The following TCF7L1 variants were observed in gnomAD, a reference collection of about 807,000 sequenced individuals.
The protein encoded by TCF7L1 is transcription factor 7-like 1.
Under a neutral mutation model 63.7 loss-of-function variants are expected in TCF7L1, and 18 were observed. That is an observed-to-expected ratio of 0.28 (90% CI 0.20 to 0.42). TCF7L1 has a LOEUF of 0.42. TCF7L1 is among the 10% of genes least tolerant of loss of function. The pLI is 1.00. For synonymous variants in TCF7L1, 355 were observed against 340.9 expected (o/e 1.04, Z -0.46); for missense variants, 654 against 779.3 (o/e 0.84, Z 1.91).
intron 4 of TCF7L1, among the ~76,000 whole-genome samples, chr2:85,291,425 C>T (rs1409542379): frequency 6.6e-6 from 1 of 152,328 alleles, no homozygotes; most frequent in East Asian, 1.9e-4. Flanking sequence ...TTTCTTCCCA[C>T]TTTGTAACAA....
intron 4 of TCF7L1, among the ~76,000 whole-genome samples, chr2:85,292,003 T>A (rs1373775518): frequency 0.02 from 120 of 6,128 alleles, no homozygotes; most frequent in South Asian, 0.12. Context: ...ATTTTTTTTT[T>A]TTTTTTTTTT....
At chr2:85,246,140 C>A (rs1462165675) in intron 3 of TCF7L1, among the ~76,000 whole-genome samples, 2 of 152,182 alleles carry the variant, frequency 1.3e-5, no homozygotes, top group African/African-American at 4.8e-5. Context: ...GCCATCCCGG[C>A]AAGTGAAATC....
chr2:85,200,355 A>G (rs1286888981), intron 3 of TCF7L1, among the ~76,000 whole-genome samples: 1 of 152,214 alleles, frequency 6.6e-6, no homozygotes, highest in Non-Finnish European at 1.5e-5. Flanking sequence ...AAACTTAACT[A>G]CTAATAGCCT....
intron 3 of TCF7L1, among the ~76,000 whole-genome samples, chr2:85,158,323 G>T (rs1222909742): frequency 6.6e-6 from 1 of 152,138 alleles, no homozygotes; most frequent in Non-Finnish European, 1.5e-5. Flanking sequence ...TCCCCTCTGG[G>T]AGTCCTCTCT....
intron 3 of TCF7L1, among the ~76,000 whole-genome samples, chr2:85,240,830 T>G (rs972625091): frequency 2.6e-5 from 4 of 151,732 alleles, no homozygotes; most frequent in African/African-American, 9.7e-5. Context: ...ACTTACAGAT[T>G]AAGTCACCAA....
chr2:85,167,354 T>C (rs1329333309), intron 3 of TCF7L1: 3 of 152,152 alleles, frequency 2.0e-5, no homozygotes, highest in African/African-American at 7.2e-5. Flanking sequence ...AAAAAATTAA[T>C]TAAAAATTAA....
intron 3 of TCF7L1, among the ~76,000 whole-genome samples, chr2:85,145,777 T>C (rs1404261721): frequency 6.6e-6 from 1 of 152,260 alleles, no homozygotes; most frequent in East Asian, 1.9e-4. Context: ...TAAAGCTTCA[T>C]CTTCTACCAC....
At chr2:85,241,352 G>C (rs937244906) in intron 3 of TCF7L1, among the ~76,000 whole-genome samples, 1 of 151,122 alleles carries the variant, frequency 6.6e-6, no homozygotes, top group Non-Finnish European at 1.5e-5. Flanking sequence ...CTGACTCATT[G>C]AGTCTAGAGG....
chr2:85,216,139 C>A (rs1679701687), intron 3 of TCF7L1, among the ~76,000 whole-genome samples: 1 of 152,142 alleles, frequency 6.6e-6, no homozygotes. Context: ...GGGAGCCCGG[C>A]TGCCCTTCTC....
chr2:85,307,737 C>T lies in TCF7L1; in HGVS notation c.1333+20C>T, dbSNP rs1247470109. 5.0e-6 allele frequency: 8 copies of T among 1,608,954 alleles called. No homozygotes were observed. Among genetic ancestry groups the T allele is most frequent in the Non-Finnish European group, 6.0e-6 (7 of 1,176,464 alleles). ...CAGAGGGTGCGTCTCGGGGCACTGG[C>T]CTCTTCTCCTGCTTTTCCTTTTGTC... On this transcript the variant is annotated intron_variant, in intron 11 of 11. Transcript: ENST00000282111.
intron 3 of TCF7L1, among the ~76,000 whole-genome samples, chr2:85,237,693 T>G (rs1680225300): frequency 7.4e-6 from 1 of 135,650 alleles, no homozygotes; most frequent in Non-Finnish European, 1.5e-5. Context: ...CTCTTCATTC[T>G]GCAGCTGTGT....
chr2:85,134,343 G>A lies in TCF7L1; in HGVS notation c.334G>A (p.Ala112Thr). The A allele has an allele frequency of 1.3e-6, 2 of 1,584,914 alleles. No homozygotes were observed. Among genetic ancestry groups the A allele is most frequent in the South Asian group, 1.1e-5 (1 of 87,172 alleles). The stretch of plus-strand genomic sequence containing the variant: ...CGCAGTGAGAAGGCCTCAGGACAGC[G>A]CGTTCTTTAAAGGACCCCCGTACCC... ...FAEVRRPQDS[A>T]FFKGPPYPGY... Residue 112 changes from alanine to threonine, a missense_variant, in exon 3 of 12, where the codon GCG becomes ACG. Ala to Thr is a moderately conservative substitution (Grantham distance 58, BLOSUM62 0). Transcript: ENST00000282111. The surrounding 1 kb of genome is among the most constrained non-coding windows in gnomAD (Gnocchi z 5.0).
In TCF7L1 at chr2:85,285,837, T is replaced by C. The variant is rs113974595; in HGVS notation, c.525+2259T>C. Among the ~76,000 whole-genome samples, 728 of 152,290 alleles carry C rather than the reference T, an allele frequency of 4.8e-3. 6 individuals carry two copies. Among genetic ancestry groups the C allele is most frequent in the African/African-American group, 0.017 (694 of 41,566 alleles). Reference sequence around the variant, plus strand: ...GAGATGGCTGGGTCCTCTGTCTTAGTTTCTCTCTGCATATTGTCGCATCTC... The same window carrying C: ...GAGATGGCTGGGTCCTCTGTCTTAGCTTCTCTCTGCATATTGTCGCATCTC... On this transcript the variant is annotated intron_variant, in intron 4 of 11. Coordinates refer to ENST00000282111, the MANE Select transcript of TCF7L1 (RefSeq NM_031283.3).
chr2:85,169,993 T>C (rs1370005292), intron 3 of TCF7L1, among the ~76,000 whole-genome samples: 3 of 152,366 alleles, frequency 2.0e-5, no homozygotes, highest in African/African-American at 7.2e-5. Context: ...AACAATACTT[T>C]CTTGTTACTA....
In TCF7L1 at chr2:85,134,152, C is replaced by A; in HGVS notation, c.313+73C>A. 1 of 1,569,464 alleles carries A rather than the reference C, an allele frequency of 6.4e-7. No homozygotes were observed. The highest frequency in any genetic ancestry group is 8.7e-7 in the Non-Finnish European group (1 of 1,155,496). ...CCGCTGCTCAGCCCGGGCGGCCCACCGTCCCCCTTGCTTGGGTGGACGCAC... is the reference window on the plus strand; with the variant it reads ...CCGCTGCTCAGCCCGGGCGGCCCACAGTCCCCCTTGCTTGGGTGGACGCAC... On this transcript the variant is annotated intron_variant, in intron 2 of 11. Transcript: ENST00000282111. The surrounding 1 kb of genome is among the most constrained non-coding windows in gnomAD (Gnocchi z 5.0).
At chr2:85,229,492 G>T (rs1385483263) in intron 3 of TCF7L1, among the ~76,000 whole-genome samples, 2 of 152,306 alleles carry the variant, frequency 1.3e-5, no homozygotes, top group African/African-American at 4.8e-5. Flanking sequence ...TACAAGTGCA[G>T]CTCTATTCTG....
At chr2:85,303,176 G>A (rs1030339740) in intron 5 of TCF7L1, among the ~76,000 whole-genome samples, 2 of 152,088 alleles carry the variant, frequency 1.3e-5, no homozygotes, top group African/African-American at 4.8e-5. Context: ...GACCACAGGC[G>A]CATGCCACCA....
chr2:85,194,469 G>T (rs1679106959), intron 3 of TCF7L1, among the ~76,000 whole-genome samples: 1 of 152,192 alleles, frequency 6.6e-6, no homozygotes, highest in African/African-American at 2.4e-5. Flanking sequence ...CAAGAGAAGA[G>T]GAGAAACCAA....
intron 3 of TCF7L1, among the ~76,000 whole-genome samples, chr2:85,145,744 G>A (rs1230370473): frequency 6.6e-6 from 1 of 152,230 alleles, no homozygotes; most frequent in African/African-American, 2.4e-5. Flanking sequence ...ACAGGACTAG[G>A]GTCCAGCTGC....
Sources: allele counts gnomAD v4.1 joint callset (sites outside exome capture counted in the v4.1 genomes callset), GRCh38; gene constraint gnomAD v4.1.1; non-coding constraint Gnocchi (gnomAD v3.1); transcripts MANE v1.5; gene names NCBI Gene and HGNC (gene_info 2026-07-23, HGNC 2026-07-21).